Variants in KCND3 observed in about 807,000 individuals in gnomAD.
KCND3 encodes potassium voltage-gated channel subfamily D member 3.
Under a neutral mutation model 51.1 loss-of-function variants are expected in KCND3, and 9 were observed. That is an observed-to-expected ratio of 0.18 (90% confidence interval 0.11 to 0.31). The LOEUF (loss-of-function observed/expected upper bound fraction) is 0.31, where lower values mean the gene tolerates loss of function less well. KCND3 is among the 10% of genes least tolerant of loss of function. The pLI, the probability that KCND3 is intolerant of heterozygous loss-of-function variation, is 1.00. For missense variants in KCND3, 526 were observed against 903.8 expected (o/e 0.58, Z 5.36); for synonymous variants, 349 against 368.0 (o/e 0.95, Z 0.59).
chr1:111,927,777 G>A (rs1671777592), intron 2 of KCND3, among the ~76,000 whole-genome samples: 1 of 152,174 alleles, frequency 6.6e-6, no homozygotes, highest in Non-Finnish European at 1.5e-5. Flanking sequence ...AGAAAAGTGG[G>A]CCAGAAATCA....
intron 2 of KCND3, among the ~76,000 whole-genome samples, chr1:111,829,545 A>T (rs1411200262): frequency 6.6e-6 from 1 of 152,168 alleles, no homozygotes; most frequent in African/African-American, 2.4e-5. Flanking sequence ...AAAGACTACA[A>T]ATCTGATTTC....
At chr1:111,835,299 C>T (rs1667021815) in intron 2 of KCND3, among the ~76,000 whole-genome samples, 1 of 152,194 alleles carries the variant, frequency 6.6e-6, no homozygotes, top group Non-Finnish European at 1.5e-5. Flanking sequence ...ATTTTACCAA[C>T]AGATATTCAG....
At chr1:111,827,052 A>G (rs376176101) in intron 2 of KCND3, among the ~76,000 whole-genome samples, 12 of 152,238 alleles carry the variant, frequency 7.9e-5, no homozygotes, top group African/African-American at 2.9e-4. Flanking sequence ...GCAATCAAAA[A>G]GTTTCAGATT....
At chr1:111,926,050 A>G (rs1357693418) in intron 2 of KCND3, among the ~76,000 whole-genome samples, 1 of 152,246 alleles carries the variant, frequency 6.6e-6, no homozygotes, top group Non-Finnish European at 1.5e-5. Context: ...ACAATTATGC[A>G]TACCATTAAG....
At chr1:111,799,400 G>A (rs11102334) in intron 2 of KCND3, among the ~76,000 whole-genome samples, 2,465 of 152,324 alleles carry the variant, frequency 0.016, 65 homozygotes, top group African/African-American at 0.057. Context: ...CAATGCAGAT[G>A]TGAAAAAGAA....
chr1:111,797,427 C>G (rs1467787950), intron 2 of KCND3, among the ~76,000 whole-genome samples: 3 of 152,168 alleles, frequency 2.0e-5, no homozygotes, highest in African/African-American at 7.2e-5. Context: ...TACTTTCCCC[C>G]CCATCCTCCT....
chr1:111,796,809 G>C (rs536647393), intron 2 of KCND3, among the ~76,000 whole-genome samples: 29 of 152,336 alleles, frequency 1.9e-4, no homozygotes, highest in Non-Finnish European at 3.2e-4. Flanking sequence ...AACCCTGCTG[G>C]GAGGTTCTCT....
In KCND3 at chr1:111,915,708, A is replaced by C. The variant is rs372966831; in HGVS notation, c.1106+65913T>G. On this transcript the variant is annotated intron_variant, in intron 2 of 7. Coordinates refer to ENST00000302127, the MANE Select transcript of KCND3 (RefSeq NM_001378969.1). The stretch of plus-strand genomic sequence containing the variant: ...GCGGAGCTTGCAGTGAGCCGAGATC[A>C]CGCCACTGCACTCCAGCCTGGGTGA... Among the ~76,000 whole-genome samples, 38 of 146,162 alleles carry C rather than the reference A, an allele frequency of 2.6e-4. No individual in the cohort carries two copies. The South Asian group carries it at 7.9e-3, about 31-fold the overall frequency.
chr1:111,845,389 CA>C (rs1380533221), intron 2 of KCND3, among the ~76,000 whole-genome samples: 1 of 152,210 alleles, frequency 6.6e-6, no homozygotes, highest in African/African-American at 2.4e-5. Flanking sequence ...CAGATGATGT[CA>C]AGATTGGAAT....
At chr1:111,883,676 CA>C (rs1215904398) in intron 2 of KCND3, among the ~76,000 whole-genome samples, 1 of 152,204 alleles carries the variant, frequency 6.6e-6, no homozygotes, top group Non-Finnish European at 1.5e-5. Flanking sequence ...CTGATGGCCC[CA>C]AATTCAGCAT....
intron 2 of KCND3, among the ~76,000 whole-genome samples, chr1:111,951,558 CTCAT>C (rs918684806): frequency 6.6e-6 from 1 of 152,208 alleles, no homozygotes; most frequent in African/African-American, 2.4e-5. Context: ...GAGCAGGGCA[CTCAT>C]TCATTCATTC....
At chr1:111,830,284 C>G (rs1666775641) in intron 2 of KCND3, among the ~76,000 whole-genome samples, 1 of 152,196 alleles carries the variant, frequency 6.6e-6, no homozygotes, top group South Asian at 2.1e-4. Context: ...TCATAGCCTT[C>G]CAGATAAAGG....
intron 2 of KCND3, among the ~76,000 whole-genome samples, chr1:111,833,892 A>T (rs928747137): frequency 6.6e-6 from 1 of 152,158 alleles, no homozygotes; most frequent in Non-Finnish European, 1.5e-5. Context: ...ACCCAACAAG[A>T]AGTGGGCCTG....
chr1:111,881,919 G>A (rs991110486), intron 2 of KCND3, among the ~76,000 whole-genome samples: 4 of 152,182 alleles, frequency 2.6e-5, no homozygotes, highest in South Asian at 2.1e-4. Flanking sequence ...CAAGAGCACC[G>A]TGCTTGGCTC....
intron 2 of KCND3, among the ~76,000 whole-genome samples, chr1:111,938,094 C>T (rs959612430): frequency 6.6e-6 from 1 of 152,180 alleles, no homozygotes; most frequent in African/African-American, 2.4e-5. Context: ...AACAGGTATC[C>T]TCACTGACTT....
intron 2 of KCND3, among the ~76,000 whole-genome samples, chr1:111,972,298 A>ATG (rs2101964870): frequency 6.8e-6 from 1 of 147,168 alleles, no homozygotes; most frequent in Non-Finnish European, 1.5e-5. Flanking sequence ...TCAGCCTCCC[A>ATG]AGTAGCTGGG....
chr1:111,966,183 C>A (rs1379388438), intron 2 of KCND3, among the ~76,000 whole-genome samples: 2 of 152,176 alleles, frequency 1.3e-5, no homozygotes, highest in African/African-American at 4.8e-5. Flanking sequence ...CTCTCTCCAG[C>A]CCTCTGTGAT....
intron 2 of KCND3, among the ~76,000 whole-genome samples, chr1:111,968,487 G>A (rs1674137048): frequency 1.3e-5 from 2 of 152,202 alleles, no homozygotes; most frequent in Admixed American, 1.3e-4. Context: ...AGGAGAAAGT[G>A]AGGATCACAA....
At chr1:111,794,158 A>G (rs1664959454) in intron 2 of KCND3, among the ~76,000 whole-genome samples, 1 of 152,232 alleles carries the variant, frequency 6.6e-6, no homozygotes, top group Admixed American at 6.5e-5. Context: ...CTGAGGCAAA[A>G]GCAAGGAAGC....
Sources: gnomAD v4.1 joint callset for allele counts (sites outside exome capture counted in the v4.1 genomes callset) on GRCh38, gnomAD v4.1.1 for gene constraint, MANE v1.5 for transcripts, NCBI Gene and HGNC (gene_info 2026-07-23, HGNC 2026-07-21) for gene names.